The following TMEM108 variants were observed in gnomAD, a reference collection of about 807,000 sequenced individuals.
TMEM108 encodes transmembrane protein 108, also known as cancer/testis antigen 124.
Under a neutral mutation model 35.1 loss-of-function variants are expected in TMEM108, and 12 were observed. The observed-to-expected ratio is 0.34, with a 90% CI of 0.22 to 0.55. The LOEUF (loss-of-function observed/expected upper bound fraction) is 0.55, where lower values mean the gene tolerates loss of function less well. Ranked by LOEUF, TMEM108 falls within the 20% of genes least tolerant of loss-of-function variation. The pLI is 0.89. For synonymous variants in TMEM108, 287 were observed against 308.6 expected (o/e 0.93, Z 0.73); for missense variants, 680 against 753.3 (o/e 0.90, Z 1.14).
intron 2 of TMEM108, among the ~76,000 whole-genome samples, chr3:133,080,195 C>T (rs1943791996): frequency 6.6e-6 from 1 of 152,164 alleles, no homozygotes; most frequent in Admixed American, 6.5e-5. Flanking sequence ...AGCATTATCC[C>T]TAACAGGGAT....
At chr3:133,103,691 G>T (rs905740644) in intron 2 of TMEM108, among the ~76,000 whole-genome samples, 2 of 152,152 alleles carry the variant, frequency 1.3e-5, no homozygotes, top group African/African-American at 2.4e-5. Flanking sequence ...GTCAGAATCC[G>T]CTTTCTGGGC....
chr3:133,309,583 A>G (rs71315702), intron 3 of TMEM108, among the ~76,000 whole-genome samples: 9,848 of 148,648 alleles, frequency 0.066, 433 homozygotes, highest in South Asian at 0.15. Flanking sequence ...ATTGGTTTCA[A>G]CCTTAATTTT....
intron 3 of TMEM108, among the ~76,000 whole-genome samples, chr3:133,264,587 G>T (rs945983094): frequency 1.3e-5 from 2 of 152,110 alleles, no homozygotes; most frequent in Non-Finnish European, 2.9e-5. Context: ...TATTGTTTCT[G>T]TCTGATTTGG....
chr3:133,144,916 T>C (rs1944694833), intron 2 of TMEM108, among the ~76,000 whole-genome samples: 1 of 152,214 alleles, frequency 6.6e-6, no homozygotes, highest in Non-Finnish European at 1.5e-5. Context: ...TTCTGTAGGT[T>C]GCCTGTTCAC....
At chr3:133,065,336 G>A (rs1182474850) in intron 2 of TMEM108, among the ~76,000 whole-genome samples, 4 of 151,948 alleles carry the variant, frequency 2.6e-5, no homozygotes, top group Admixed American at 6.6e-5. Context: ...AGAGATGTTC[G>A]CATATGCAGA....
chr3:133,100,046 G>A (rs1944067323), intron 2 of TMEM108, among the ~76,000 whole-genome samples: 1 of 152,168 alleles, frequency 6.6e-6, no homozygotes, highest in South Asian at 2.1e-4. Flanking sequence ...TGGGAACAAA[G>A]AGACGTTTAA....
intron 3 of TMEM108, among the ~76,000 whole-genome samples, chr3:133,366,203 A>T (rs1336625318): frequency 6.6e-6 from 1 of 152,244 alleles, no homozygotes; most frequent in Admixed American, 6.5e-5. Context: ...AGCATAACAC[A>T]GGGTAAAGTG....
intron 2 of TMEM108, among the ~76,000 whole-genome samples, chr3:133,128,786 C>T (rs1234382376): frequency 6.6e-6 from 1 of 152,194 alleles, no homozygotes; most frequent in Non-Finnish European, 1.5e-5. Flanking sequence ...TGAGGCTGGT[C>T]TCTGGTTCTC....
chr3:133,380,624 G>A lies in TMEM108; in HGVS notation c.913G>A (p.Gly305Ser). ...GACACCAGATGCCACAGCAGCCTCAGGTGCCCCTGTCAGTCCACAAGCTGC... is the reference window on the plus strand; with the variant it reads ...GACACCAGATGCCACAGCAGCCTCAAGTGCCCCTGTCAGTCCACAAGCTGC... ...GGTPDATAAS[G>S]APVSPQAAPV... The change falls in exon 4 of 6, where the codon GGT becomes AGT. Residue 305 changes from glycine to serine, a missense_variant. By Grantham distance (56) the Gly-to-Ser change is moderately conservative. Around this residue, in one of 3 missense-constraint regions of TMEM108, gnomAD observed 526 missense variants for 532.1 expected, o/e 0.99. Coordinates refer to ENST00000321871, the MANE Select transcript of TMEM108 (RefSeq NM_023943.4). This position sits in a 1 kb window ranked among gnomAD's most constrained non-coding sequence, Gnocchi z 5.3. The A allele has an allele frequency of 6.2e-7, 1 of 1,613,642 alleles. No individual in the cohort carries two copies.
rs540486204 is a variant in TMEM108 at position 133,347,519 on chromosome 3, T to G, written c.41-32233T>G. Among the ~76,000 whole-genome samples the G allele has an allele frequency of 5.3e-5, 8 of 152,206 alleles. No individual in the cohort carries two copies. In the East Asian group the frequency reaches 9.7e-4, roughly 18 times the overall value. Reference sequence around the variant, plus strand: ...ATATTGCTTATTAGTTCCAGTATTTTTTGTTGTTGTTGTTTTTTGTCAGTT... The same window carrying G: ...ATATTGCTTATTAGTTCCAGTATTTGTTGTTGTTGTTGTTTTTTGTCAGTT... On this transcript the variant is annotated intron_variant, in intron 3 of 5. Coordinates refer to ENST00000321871, the MANE Select transcript of TMEM108 (RefSeq NM_023943.4).
intron 2 of TMEM108, among the ~76,000 whole-genome samples, chr3:133,222,246 C>G (rs546800128): frequency 6.6e-5 from 10 of 152,104 alleles, no homozygotes; most frequent in South Asian, 2.1e-4. Flanking sequence ...ATCCCACTCT[C>G]TCTTCACCTA....
intron 2 of TMEM108, among the ~76,000 whole-genome samples, chr3:133,179,908 G>A (rs1945306016): frequency 6.6e-6 from 1 of 150,788 alleles, no homozygotes; most frequent in African/African-American, 2.4e-5. Flanking sequence ...AACCCCTTAT[G>A]AATTACACCT....
chr3:133,206,356 T>C (rs1248475368), intron 2 of TMEM108, among the ~76,000 whole-genome samples: 1 of 152,242 alleles, frequency 6.6e-6, no homozygotes, highest in Non-Finnish European at 1.5e-5. Flanking sequence ...CGAGGAGTTG[T>C]GATCCTTTGG....
intron 3 of TMEM108, among the ~76,000 whole-genome samples, chr3:133,229,751 A>G (rs1181871907): frequency 6.6e-6 from 1 of 152,214 alleles, no homozygotes; most frequent in Non-Finnish European, 1.5e-5. Context: ...TGAAGAGGAA[A>G]TGGTAGGTTG....
intron 3 of TMEM108, among the ~76,000 whole-genome samples, chr3:133,351,221 T>G (rs569201395): frequency 1.2e-4 from 18 of 152,196 alleles, no homozygotes; most frequent in Non-Finnish European, 2.6e-4. Flanking sequence ...TTTCAGGTTT[T>G]CAGCCTGAGC....
intron 3 of TMEM108, among the ~76,000 whole-genome samples, chr3:133,269,155 T>C (rs368694979): frequency 6.6e-6 from 1 of 152,184 alleles, no homozygotes; most frequent in East Asian, 1.9e-4. Flanking sequence ...CTCTTTACAG[T>C]TAAGAAAATT....
chr3:133,379,239 A>G (rs1250331827), intron 3 of TMEM108, among the ~76,000 whole-genome samples: 3 of 152,176 alleles, frequency 2.0e-5, no homozygotes, highest in Admixed American at 2.0e-4. Flanking sequence ...TGTGTAGTTT[A>G]TAAATGGAAG....
rs763702548 is a variant in TMEM108, at chr3:133,390,343, C to A, written c.1605+9C>A. 4 of 1,613,660 alleles carry A rather than the reference C, an allele frequency of 2.5e-6. No individual in the cohort carries two copies. In the South Asian group the frequency reaches 4.4e-5, roughly 18 times the overall value. ...CCCTTGAAACCTCTGAGGTAATGAG[C>A]TTGAAAGTGCTGGCCCCACTGCAGG... On this transcript the variant is annotated intron_variant, in intron 5 of 5. Coordinates refer to ENST00000321871, the MANE Select transcript of TMEM108 (RefSeq NM_023943.4).
intron 3 of TMEM108, among the ~76,000 whole-genome samples, chr3:133,341,714 C>A (rs1218445691): frequency 6.6e-6 from 1 of 151,668 alleles, no homozygotes; most frequent in African/African-American, 2.4e-5. Flanking sequence ...AATAGAGAAC[C>A]TGGAGAAAAA....
Sources: gnomAD v4.1 joint callset for allele counts (sites outside exome capture counted in the v4.1 genomes callset) on GRCh38, gnomAD v4.1.1 for gene constraint, gnomAD v4.1.1 regional missense constraint, Gnocchi (gnomAD v3.1) non-coding constraint, MANE v1.5 for transcripts, NCBI Gene and HGNC (gene_info 2026-07-23, HGNC 2026-07-21) for gene names.